The following DOCK10 variants were observed in gnomAD, a reference collection of about 807,000 sequenced individuals.
DOCK10 encodes dedicator of cytokinesis protein 10.
A neutral mutation model predicts 280.1 loss-of-function variants in DOCK10; 145 were observed. The observed-to-expected ratio is 0.52, with a 90% confidence interval of 0.45 to 0.59. The LOEUF (loss-of-function observed/expected upper bound fraction) is 0.59. Among genes scored for constraint, DOCK10 ranks in the 20% least tolerant of loss-of-function variants. The probability of loss-of-function intolerance (pLI) is 0.00; values close to 1 mark genes in which losing one functional copy is unlikely to be tolerated. For missense variants in DOCK10, 2,368 were observed against 2,651.7 expected (o/e 0.89, Z 2.35); for synonymous variants, 915 against 942.2 (o/e 0.97, Z 0.53).
intron 15 of DOCK10, among the ~76,000 whole-genome samples, chr2:224,855,533 G>C (rs1697064872): frequency 6.6e-6 from 1 of 152,138 alleles, no homozygotes; most frequent in East Asian, 1.9e-4. Flanking sequence ...CCTTCCCTGA[G>C]CCCTGTTTCT....
intron 3 of DOCK10, among the ~76,000 whole-genome samples, chr2:224,907,475 C>T (rs1354811304): frequency 1.3e-5 from 2 of 152,118 alleles, no homozygotes; most frequent in Non-Finnish European, 1.5e-5. Context: ...ATCACGAGGT[C>T]AGGAGATCAA....
intron 53 of DOCK10, 69 bp downstream of exon 53, chr2:224,773,088 G>T: frequency 7.3e-7 from 1 of 1,370,176 alleles, no homozygotes; most frequent in Non-Finnish European, 9.8e-7. Context: ...TGTAAACAAA[G>T]TTCTCAGGGC....
intron 25 of DOCK10, among the ~76,000 whole-genome samples, chr2:224,834,838 C>T (rs1441239015): frequency 6.6e-6 from 1 of 152,120 alleles, no homozygotes; most frequent in Non-Finnish European, 1.5e-5. Flanking sequence ...ACTGAGGGCA[C>T]ATAATGGCTA....
At chr2:224,784,090 G>C (rs1423813724) in intron 50 of DOCK10, among the ~76,000 whole-genome samples, 1 of 152,066 alleles carries the variant, frequency 6.6e-6, no homozygotes, top group South Asian at 2.1e-4. Flanking sequence ...GACATGGCTT[G>C]TTCTCCAAAT....
intron 1 of DOCK10, among the ~76,000 whole-genome samples, chr2:224,935,304 A>G (rs2126041418): frequency 6.6e-6 from 1 of 152,366 alleles, no homozygotes; most frequent in Non-Finnish European, 1.5e-5. Flanking sequence ...AATGACATTG[A>G]AGAAAATAAG....
In DOCK10 at chr2:224,855,048, A is replaced by G. The variant is rs1351860268; in HGVS notation, c.1809-6T>C. ...TTTTGCTTATTCTGTCGGCCCTGTA[A>G]GAGTGCATGAGCAAGGACACACACA... On this transcript the variant is annotated splice_polypyrimidine_tract_variant and splice_region_variant and intron_variant, in intron 15 of 55. Transcript: ENST00000258390. 1.9e-6 allele frequency: 3 copies of G among 1,546,078 alleles called. No homozygotes were observed. The highest frequency in any genetic ancestry group is 2.3e-5 in the South Asian group (2 of 86,968).
intron 23 of DOCK10, 92 bp downstream of exon 23, chr2:224,841,712 T>C (rs1418587427): frequency 4.1e-6 from 3 of 739,244 alleles, no homozygotes; most frequent in Admixed American, 4.0e-5. Flanking sequence ...GTAATAATCA[T>C]CTCCCAGTTT....
intron 1 of DOCK10, among the ~76,000 whole-genome samples, chr2:224,936,510 T>A (rs912219157): frequency 6.6e-6 from 1 of 152,078 alleles, no homozygotes; most frequent in Non-Finnish European, 1.5e-5. Context: ...AAACAGTAAA[T>A]CATCATGGGT....
At chr2:224,780,105 T>C (rs1456346323) in intron 50 of DOCK10, among the ~76,000 whole-genome samples, 1 of 152,244 alleles carries the variant, frequency 6.6e-6, no homozygotes, top group Non-Finnish European at 1.5e-5. Flanking sequence ...AAGATGTTTT[T>C]ATTGAACAAT....
chr2:224,987,474 C>G (rs947549455), intron 1 of DOCK10, among the ~76,000 whole-genome samples: 1 of 152,130 alleles, frequency 6.6e-6, no homozygotes, highest in Admixed American at 6.5e-5. Flanking sequence ...ACCAAATACC[C>G]CAAGAAGGGC....
In DOCK10 at chr2:224,931,610, T is replaced by C; in HGVS notation, c.182A>G (p.Glu61Gly). ...LDYETVIEEL[E>G]KTYRNDPLQD... The stretch of plus-strand genomic sequence containing the variant: ...AAGAGGATCATTCCGGTAGGTCTTT[T>C]CAAGTTCTTCAATGACAGTCTCATA... The change falls in exon 2 of 56, where the codon GAA becomes GGA. Residue 61 changes from glutamate (E) to glycine (G), a missense_variant. Coordinates refer to ENST00000258390, the MANE Select transcript of DOCK10 (RefSeq NM_014689.3). The C allele has an allele frequency of 1.2e-6, 2 of 1,611,904 alleles. No homozygotes were observed. The highest frequency in any genetic ancestry group is 1.7e-6 in the Non-Finnish European group (2 of 1,179,008).
At chr2:224,774,587 A>T (rs773186175) in intron 52 of DOCK10, among the ~76,000 whole-genome samples, 1 of 152,228 alleles carries the variant, frequency 6.6e-6, no homozygotes, top group African/African-American at 2.4e-5. Flanking sequence ...CCCTGAAACA[A>T]TTGAAGGTAG....
intron 1 of DOCK10, among the ~76,000 whole-genome samples, chr2:224,967,018 C>T (rs1434173684): frequency 4.0e-5 from 6 of 151,588 alleles, no homozygotes; most frequent in Non-Finnish European, 7.4e-5. Context: ...GTACATGAAA[C>T]GACACTGTCC....
intron 26 of DOCK10, among the ~76,000 whole-genome samples, chr2:224,830,989 A>G (rs1315623480): frequency 6.7e-6 from 1 of 150,126 alleles, no homozygotes; most frequent in African/African-American, 2.5e-5. Context: ...GCTGGAGTGC[A>G]GTGGTGCAAT....
chr2:224,919,757 T>A (rs1701583843), intron 2 of DOCK10, among the ~76,000 whole-genome samples: 2 of 152,058 alleles, frequency 1.3e-5, no homozygotes, highest in Non-Finnish European at 2.9e-5. Flanking sequence ...GTTTGTATCC[T>A]GTGAAAGAGG....
rs1474583946 is a variant in DOCK10, at chr2:224,877,478, ATTCTATTGGAATAGGTT to A, written c.748-1274_748-1258del. On this transcript the variant is annotated intron_variant, in intron 7 of 55. Coordinates refer to ENST00000258390, the MANE Select transcript of DOCK10 (RefSeq NM_014689.3). ...TCCTATTCTATTGGAATAGGTTCCT[ATTCTATTGGAATAGGTT>A]CCTATTCCAAGTTGACATTCTAGTA... Among the ~76,000 whole-genome samples the A allele has an allele frequency of 8.9e-3, 1,358 of 152,184 alleles. 17 individuals are homozygous for A. Among genetic ancestry groups the A allele is most frequent in the African/African-American group, 0.029 (1,222 of 41,466 alleles).
At chr2:224,911,267 A>C (rs1399981844) in intron 3 of DOCK10, among the ~76,000 whole-genome samples, 1 of 152,186 alleles carries the variant, frequency 6.6e-6, no homozygotes, top group Admixed American at 6.5e-5. Context: ...GCAATAATAA[A>C]ATAAAGGCAA....
chr2:224,904,916 A>T (rs1178916037), intron 3 of DOCK10, among the ~76,000 whole-genome samples: 2 of 152,186 alleles, frequency 1.3e-5, no homozygotes, highest in African/African-American at 4.8e-5. Context: ...TTCTAGTTAG[A>T]TATATTTCTT....
chr2:224,831,634 G>A (rs1229464188), intron 26 of DOCK10, among the ~76,000 whole-genome samples: 1 of 152,228 alleles, frequency 6.6e-6, no homozygotes, highest in Non-Finnish European at 1.5e-5. Context: ...AATGATAAGA[G>A]CAGTACACAC....
Sources: allele counts gnomAD v4.1 joint callset (sites outside exome capture counted in the v4.1 genomes callset), GRCh38; gene constraint gnomAD v4.1.1; transcripts MANE v1.5; gene names NCBI Gene and HGNC (gene_info 2026-07-23, HGNC 2026-07-21).